RNF14: variants seen among roughly 807,000 people sequenced by gnomAD.
RNF14 encodes the protein ring finger protein 14, also known as E3 ubiquitin-protein ligase RNF14.
Under a neutral mutation model 52.6 loss-of-function variants are expected in RNF14, and 26 were observed. That is an observed-to-expected ratio of 0.49 (90% CI 0.36 to 0.69). The LOEUF (loss-of-function observed/expected upper bound fraction) is 0.69, where lower values mean the gene tolerates loss of function less well. Ranked by LOEUF, RNF14 falls within the 30% of genes least tolerant of loss-of-function variation. The pLI, the probability that RNF14 is intolerant of heterozygous loss-of-function variation, is 0.00. For synonymous variants in RNF14, 194 were observed against 202.0 expected (o/e 0.96, Z 0.34); for missense variants, 404 against 560.4 (o/e 0.72, Z 2.82).
At chr5:141,986,185 G>T (rs979913652) in intron 8 of RNF14, among the ~76,000 whole-genome samples, 23 of 152,188 alleles carry the variant, frequency 1.5e-4, no homozygotes, top group Non-Finnish European at 3.2e-4. Context: ...TTGGCACAAT[G>T]TGAATATCCT....
chr5:141,976,374 G>A (rs1198375075), intron 4 of RNF14, among the ~76,000 whole-genome samples: 1 of 152,230 alleles, frequency 6.6e-6, no homozygotes, highest in African/African-American at 2.4e-5. Flanking sequence ...CGTGGTTGTG[G>A]TTTCAGATTC....
At chr5:141,955,007 C>T (rs141990944), upstream of RNF14, 371 of 1,613,982 alleles carry the variant, frequency 2.3e-4, 3 homozygotes, top group East Asian at 6.6e-3. This position sits in a 1 kb window ranked among gnomAD's most constrained non-coding sequence, Gnocchi z 5.5. Flanking sequence ...AGCTCCTCCA[C>T]GGGGTTCCGC....
chr5:141,961,911 C>T (rs1466344563), upstream of RNF14, among the ~76,000 whole-genome samples: 3 of 152,198 alleles, frequency 2.0e-5, no homozygotes, highest in Non-Finnish European at 4.4e-5. Flanking sequence ...CTGGCTGCCC[C>T]ACTTCCAGGG....
upstream of RNF14, chr5:141,955,828 A>G: frequency 6.2e-7 from 1 of 1,613,884 alleles, no homozygotes; most frequent in Non-Finnish European, 8.5e-7. This position sits in a 1 kb window ranked among gnomAD's most constrained non-coding sequence, Gnocchi z 5.5. Flanking sequence ...CTCTACTACT[A>G]TCTCCAGCTC....
At chr5:141,952,161 G>A in the RNF14 span, among the ~76,000 whole-genome samples, 14 of 152,138 alleles carry the variant, frequency 9.2e-5, no homozygotes, top group Non-Finnish European at 1.8e-4. Context: ...TGCCCTCAGC[G>A]TGGTCACATC....
At chr5:141,965,613 G>C (rs1358797255), upstream of RNF14, among the ~76,000 whole-genome samples, 2 of 152,216 alleles carry the variant, frequency 1.3e-5, no homozygotes, top group African/African-American at 4.8e-5. Context: ...GAGAGAGTCA[G>C]ACTGATGAGG....
intron 8 of RNF14, among the ~76,000 whole-genome samples, chr5:141,985,648 C>T (rs181354631): frequency 0.016 from 2,413 of 152,254 alleles, 23 homozygotes; most frequent in African/African-American, 0.03. Context: ...CTCCGCCTCC[C>T]GGGTTCATGC....
chr5:141,951,496 C>T, the RNF14 span: 1 of 1,613,728 alleles, frequency 6.2e-7, no homozygotes, highest in Non-Finnish European at 8.5e-7. Flanking sequence ...TGCTTACCTG[C>T]TGCCTCCTGG....
intron 8 of RNF14, among the ~76,000 whole-genome samples, chr5:141,985,778 C>A (rs996346646): frequency 3.3e-5 from 5 of 152,214 alleles, no homozygotes; most frequent in Non-Finnish European, 7.3e-5. Flanking sequence ...TGGTCTCGAT[C>A]TCCTGACCTC....
chr5:141,964,027 A>G (rs1169637605), upstream of RNF14, among the ~76,000 whole-genome samples: 3 of 152,234 alleles, frequency 2.0e-5, no homozygotes, highest in East Asian at 5.8e-4. Flanking sequence ...TCAGGGGAAT[A>G]ATAATAAAAT....
chr5:141,955,703 G>A (rs776440819), upstream of RNF14: 3 of 1,614,144 alleles, frequency 1.9e-6, no homozygotes, highest in Middle Eastern at 1.6e-4. The surrounding 1 kb of genome is among the most constrained non-coding windows in gnomAD (Gnocchi z 5.5). Context: ...ATCACCGTCA[G>A]CATCGACATG....
At chr5:141,970,956 C>T (rs192451466) in intron 2 of RNF14, 79 bp downstream of exon 2, 20 of 152,370 alleles carry the variant, frequency 1.3e-4, no homozygotes, top group African/African-American at 4.6e-4. Context: ...GAACTAACAT[C>T]TCCTAGAAAA....
At chr5:141,957,096 T>G (rs774041854), upstream of RNF14, 40 of 1,613,996 alleles carry the variant, frequency 2.5e-5, no homozygotes, top group East Asian at 8.9e-4. This position sits in a 1 kb window ranked among gnomAD's most constrained non-coding sequence, Gnocchi z 4.3. Context: ...CTTCTTGGAT[T>G]TCCAGTGCCA....
At chr5:141,985,160 T>A (rs1755124977) in intron 8 of RNF14, among the ~76,000 whole-genome samples, 1 of 152,190 alleles carries the variant, frequency 6.6e-6, no homozygotes, top group African/African-American at 2.4e-5. Context: ...CACAGAAAAT[T>A]TGAAAGGATA....
chr5:141,956,217 A>C (rs753562763), upstream of RNF14: 1 of 1,614,220 alleles, frequency 6.2e-7, no homozygotes, highest in Non-Finnish European at 8.5e-7. Flanking sequence ...CACTGGATGC[A>C]AGCATGGGTT....
chr5:141,970,329 CTG>C (rs755766214), intron 1 of RNF14, among the ~76,000 whole-genome samples: 1 of 152,024 alleles, frequency 6.6e-6, no homozygotes, highest in Non-Finnish European at 1.5e-5. Context: ...AGAGGAAAAA[CTG>C]GAGGGGAGTG....
upstream of RNF14, among the ~76,000 whole-genome samples, chr5:141,964,202 T>C (rs936538103): frequency 3.9e-5 from 6 of 152,224 alleles, no homozygotes; most frequent in African/African-American, 1.4e-4. Flanking sequence ...AGTTATTGTT[T>C]AGGTTGCACT....
At chr5:141,951,761 C>T in the RNF14 span, among the ~76,000 whole-genome samples, 30 of 152,254 alleles carry the variant, frequency 2.0e-4, no homozygotes, top group South Asian at 2.1e-4. Context: ...GGGACCTGGG[C>T]GGGCAGGTCC....
At chr5:141,987,013 A>G (rs1437971528) in intron 8 of RNF14, among the ~76,000 whole-genome samples, 1 of 152,210 alleles carries the variant, frequency 6.6e-6, no homozygotes, top group Non-Finnish European at 1.5e-5. Flanking sequence ...GAACCACTCC[A>G]TGGTCAGTGG....
Sources: gnomAD v4.1 joint callset for allele counts (sites outside exome capture counted in the v4.1 genomes callset) on GRCh38, gnomAD v4.1.1 for gene constraint, Gnocchi (gnomAD v3.1) non-coding constraint, MANE v1.5 for transcripts, NCBI Gene and HGNC (gene_info 2026-07-23, HGNC 2026-07-21) for gene names.